Variants in AFF2 observed in about 807,000 individuals in gnomAD.
The protein encoded by AFF2 is AF4/FMR2 family member 2.
Under a neutral mutation model 76.9 loss-of-function variants are expected in AFF2, and 14 were observed. The observed-to-expected ratio is 0.18, with a 90% CI of 0.12 to 0.28. AFF2 has a LOEUF of 0.28. AFF2 is among the 10% of genes least tolerant of loss of function. The probability of loss-of-function intolerance (pLI) is 1.00; values close to 1 mark genes in which losing one functional copy is unlikely to be tolerated. For missense variants in AFF2, 868 were observed against 1,001.1 expected, an observed-to-expected ratio of 0.87 and a Z score of 1.79; for synonymous variants, 398 against 366.7, an observed-to-expected ratio of 1.09 and a Z score of -0.98.
intron 1 of AFF2, among the ~76,000 whole-genome samples, chrX:148,530,691 C>A (rs368876172): frequency 5.4e-5 from 6 of 110,801 alleles, no homozygotes; most frequent in African/African-American, 2.0e-4. Flanking sequence ...GTTTCATTCT[C>A]GAATTTTTTA....
At chrX:148,721,381 T>C (rs782107294) in intron 3 of AFF2, among the ~76,000 whole-genome samples, 4 of 112,099 alleles carry the variant, frequency 3.6e-5, no homozygotes, top group Admixed American at 9.4e-5. Flanking sequence ...TCCTCACATG[T>C]GAAATGGGGA....
rs546757951 is a variant in AFF2, at chrX:148,951,073, G to C, written c.1398-2507G>C. 1.6e-4 allele frequency among the ~76,000 whole-genome samples: 18 copies of C among 111,104 alleles called. No homozygotes were observed. In the South Asian group the frequency reaches 6.9e-3, roughly 43 times the overall value. Reference sequence around the variant, plus strand: ...TATTATATATGGTATATTCAGCATAGTACTTTTTAAAATTAAAAACATCCG... The same window carrying C: ...TATTATATATGGTATATTCAGCATACTACTTTTTAAAATTAAAAACATCCG... On this transcript the variant is annotated intron_variant, in intron 9 of 20. Coordinates refer to ENST00000370460, the MANE Select transcript of AFF2 (RefSeq NM_002025.4).
At chrX:148,546,480 G>A (rs1557238178) in intron 1 of AFF2, among the ~76,000 whole-genome samples, 1 of 112,286 alleles carries the variant, frequency 8.9e-6, no homozygotes, top group Non-Finnish European at 1.9e-5. Context: ...ACTTTTTGGT[G>A]ACTGTCATAT....
Position 148,955,698 on chromosome X carries a change from A to G in AFF2, c.1653A>G (p.Thr551=), listed in dbSNP as rs16994869. 4.6e-3 allele frequency: 5,517 copies of G among 1,209,574 alleles called. 186 individuals are homozygous for G. The African/African-American group carries it at 0.085, about 19-fold the overall frequency. ...NKSFICGQNE[T]PMETISLPPP... ...CTTTTATTTGTGGCCAAAATGAAAC[A>G]CCCATGGAGACTATTTCTCTGCCTC... Residue 551 remains threonine (T), a synonymous_variant, in exon 11 of 21, where the codon ACA becomes ACG. Coordinates refer to ENST00000370460, the MANE Select transcript of AFF2 (RefSeq NM_002025.4).
chrX:148,664,395 G>C (rs1425751965), intron 3 of AFF2, among the ~76,000 whole-genome samples: 1 of 111,385 alleles, frequency 9.0e-6, no homozygotes, highest in African/African-American at 3.3e-5. Context: ...TTTTTGGCTT[G>C]CTGTCCCCTC....
chrX:148,539,513 A>AT, intron 1 of AFF2, among the ~76,000 whole-genome samples: 1 of 111,123 alleles, frequency 9.0e-6, no homozygotes, highest in Admixed American at 9.6e-5. Context: ...GCTATTTATT[A>AT]TTTTTATGAG....
chrX:148,773,485 A>C (rs1411365174), intron 3 of AFF2, among the ~76,000 whole-genome samples: 2 of 110,005 alleles, frequency 1.8e-5, no homozygotes, highest in Non-Finnish European at 3.8e-5. Context: ...TTTAACAAGC[A>C]TTTGTGAAGA....
At chrX:148,890,703 C>T (rs59470175) in intron 8 of AFF2, among the ~76,000 whole-genome samples, 8,029 of 111,639 alleles carry the variant, frequency 0.072, 385 homozygotes, top group African/African-American at 0.17. Flanking sequence ...CAAGGATTGG[C>T]GTGGGTGGAG....
At chrX:148,504,532 G>A (rs1396714788) in intron 1 of AFF2, among the ~76,000 whole-genome samples, 1 of 112,618 alleles carries the variant, frequency 8.9e-6, no homozygotes, top group Non-Finnish European at 1.9e-5. Flanking sequence ...CTTGCAAACG[G>A]GCAGTTATAC....
At chrX:148,819,155 G>C (rs782780186) in intron 4 of AFF2, among the ~76,000 whole-genome samples, 77 of 111,300 alleles carry the variant, frequency 6.9e-4, no homozygotes, top group Non-Finnish European at 1.2e-3. Flanking sequence ...CTGAGCTTAA[G>C]TGACTTTCTA....
intron 4 of AFF2, among the ~76,000 whole-genome samples, chrX:148,814,875 A>G (rs1167398355): frequency 2.7e-5 from 3 of 111,995 alleles, no homozygotes; most frequent in African/African-American, 9.7e-5. Context: ...AATTGGTCGG[A>G]CAATTATGTC....
At chrX:148,795,915 A>G (rs2069975893) in intron 3 of AFF2, among the ~76,000 whole-genome samples, 2 of 80,990 alleles carry the variant, frequency 2.5e-5, no homozygotes, top group Non-Finnish European at 2.3e-5. Context: ...GATTAGTGTG[A>G]TCATAATAAA....
intron 3 of AFF2, among the ~76,000 whole-genome samples, chrX:148,763,731 A>G (rs1156950367): frequency 8.9e-6 from 1 of 111,980 alleles, no homozygotes; most frequent in African/African-American, 3.2e-5. Context: ...TTAGTAAGAT[A>G]AATTGAGGAT....
In AFF2 at chrX:148,623,480, C is replaced by A. The variant is rs781909310; in HGVS notation, c.48-28519C>A. On this transcript the variant is annotated intron_variant, in intron 1 of 20. Coordinates refer to ENST00000370460, the MANE Select transcript of AFF2 (RefSeq NM_002025.4). ...CCAAGGAGGTGCATATTAATGTTTG[C>A]AGAAACTGACTGAGAGAAGAACTTA... 5.5e-5 allele frequency among the ~76,000 whole-genome samples: 6 copies of A among 109,984 alleles called. No individual in the cohort carries two copies. In the South Asian group the frequency reaches 2.3e-3, roughly 42 times the overall value.
chrX:148,702,999 G>T (rs1437155827), intron 3 of AFF2, among the ~76,000 whole-genome samples: 2 of 112,106 alleles, frequency 1.8e-5, no homozygotes, highest in Non-Finnish European at 3.8e-5. Flanking sequence ...GCTGAAATCT[G>T]CCAGTATTTA....
At chrX:148,572,035 A>G (rs1557242599) in intron 1 of AFF2, among the ~76,000 whole-genome samples, 1 of 75,783 alleles carries the variant, frequency 1.3e-5, no homozygotes, top group African/African-American at 5.9e-5. Context: ...ACATACTAGC[A>G]TCCAGAAAAG....
chrX:148,786,613 C>CAGTT (rs10683864), intron 3 of AFF2, among the ~76,000 whole-genome samples: 3,080 of 111,643 alleles, frequency 0.028, 108 homozygotes, highest in African/African-American at 0.096. Flanking sequence ...ATAAGGCCAC[C>CAGTT]AGTTATATTG....
intron 4 of AFF2, among the ~76,000 whole-genome samples, chrX:148,818,179 A>G (rs1411546744): frequency 8.9e-6 from 1 of 112,164 alleles, no homozygotes; most frequent in Non-Finnish European, 1.9e-5. Context: ...TTTGTACATT[A>G]TACATATATT....
intron 1 of AFF2, among the ~76,000 whole-genome samples, chrX:148,573,569 G>A (rs894195739): frequency 1.8e-5 from 2 of 110,845 alleles, no homozygotes; most frequent in African/African-American, 6.6e-5. Context: ...GTTTGCATTG[G>A]ACATCAGGGA....
Sources: allele counts gnomAD v4.1 joint callset (sites outside exome capture counted in the v4.1 genomes callset), GRCh38; gene constraint gnomAD v4.1.1; transcripts MANE v1.5; gene names NCBI Gene and HGNC (gene_info 2026-07-23, HGNC 2026-07-21).